Variants in VPS45 observed in about 807,000 individuals in gnomAD.
VPS45 encodes the protein vacuolar protein sorting-associated protein 45.
A neutral mutation model predicts 75.9 loss-of-function variants in VPS45; 35 were observed. That is an observed-to-expected ratio of 0.46 (90% CI 0.35 to 0.61). The LOEUF (loss-of-function observed/expected upper bound fraction) is 0.61, where lower values mean the gene tolerates loss of function less well. VPS45 is among the 20% of genes least tolerant of loss of function. The pLI, the probability that VPS45 is intolerant of heterozygous loss-of-function variation, is 0.00. For missense variants in VPS45, 559 were observed against 685.9 expected, an observed-to-expected ratio of 0.81 and a Z score of 2.07; for synonymous variants, 220 against 238.2, an observed-to-expected ratio of 0.92 and a Z score of 0.70.
rs1455836986 is a variant in VPS45 at position 150,082,836 on chromosome 1, G to A, written c.1057G>A (p.Val353Ile). 2.0e-5 allele frequency: 32 copies of A among 1,614,026 alleles called. No homozygotes were observed. The highest frequency in any genetic ancestry group is 1.7e-4 in the Admixed American group (10 of 59,998). Residue 353 changes from valine to isoleucine, a missense_variant, in exon 10 of 15, where the codon GTT becomes ATT. By Grantham distance (29) the Val-to-Ile change is conservative (BLOSUM62 3). Coordinates refer to ENST00000644510, the MANE Select transcript of VPS45 (RefSeq NM_007259.5). ...SERNLLEVSE[V>I]EQELACQNDH... ...ACGGAATCTGCTGGAGGTTTCAGAGGTTGAGCAAGAACTGGCCTGTCAAAA... is the reference window on the plus strand; with the variant it reads ...ACGGAATCTGCTGGAGGTTTCAGAGATTGAGCAAGAACTGGCCTGTCAAAA...
chr1:150,101,736 A>G (rs1202203178), intron 13 of VPS45, among the ~76,000 whole-genome samples: 3 of 142,980 alleles, frequency 2.1e-5, no homozygotes, highest in Non-Finnish European at 3.0e-5. Flanking sequence ...CTCCACCTTG[A>G]AAAAAAAAAA....
chr1:150,138,391 A>T (rs1553814444), intron 14 of VPS45, among the ~76,000 whole-genome samples: 1 of 151,802 alleles, frequency 6.6e-6, no homozygotes, highest in Non-Finnish European at 1.5e-5. Context: ...TCTCTGTCTC[A>T]TTTGCTGTTT....
At chr1:150,096,728 A>G (rs1171089532) in intron 13 of VPS45, among the ~76,000 whole-genome samples, 2 of 152,204 alleles carry the variant, frequency 1.3e-5, no homozygotes, top group Non-Finnish European at 2.9e-5. Flanking sequence ...AGGCAAAGAA[A>G]TGGTTACAAA....
At chr1:150,104,429 G>A (rs1401141241) in intron 13 of VPS45, among the ~76,000 whole-genome samples, 1 of 152,164 alleles carries the variant, frequency 6.6e-6, no homozygotes, top group African/African-American at 2.4e-5. Flanking sequence ...GGATACTTAA[G>A]TTGGTTCCAT....
At chr1:150,112,934 A>G (rs1657726072) in intron 14 of VPS45, among the ~76,000 whole-genome samples, 1 of 152,156 alleles carries the variant, frequency 6.6e-6, no homozygotes, top group Non-Finnish European at 1.5e-5. Context: ...TGGGGTGTGG[A>G]GTCTCCATGC....
chr1:150,100,241 CA>C (rs1231739167), intron 13 of VPS45, among the ~76,000 whole-genome samples: 1 of 151,850 alleles, frequency 6.6e-6, no homozygotes, highest in Non-Finnish European at 1.5e-5. Flanking sequence ...CAACTGCCAC[CA>C]AAAAAATAAA....
At chr1:150,088,024 G>A (rs1308357573) in intron 10 of VPS45, among the ~76,000 whole-genome samples, 1 of 151,968 alleles carries the variant, frequency 6.6e-6, no homozygotes, top group East Asian at 1.9e-4. Flanking sequence ...ATCAAATCAG[G>A]GTAATTAGCA....
In VPS45 at chr1:150,081,925, G is replaced by C. The variant is rs1553799475; in HGVS notation, c.864G>C (p.Lys288Asn). ...LNFAEIGSNI[K>N]NLMEDFQKKK... ...TTGCTGAGATTGGTAGCAATATAAA[G>C]AATCTCATGGAAGATTTTCAGAAGA... is the stretch of plus-strand genomic sequence containing the variant. The change falls in exon 9 of 15, where the codon AAG (lysine) becomes AAC (asparagine). Residue 288 changes from lysine to asparagine, a missense_variant. Lys to Asn is a moderately conservative substitution (Grantham distance 94). Transcript: ENST00000644510. 6.2e-7 allele frequency: 1 copy of C among 1,613,356 alleles called. No individual in the cohort carries two copies. Among genetic ancestry groups the C allele is most frequent in the Non-Finnish European group, 8.5e-7 (1 of 1,179,648 alleles).
At chr1:150,074,987 A>C (rs1468692029) in intron 3 of VPS45, among the ~76,000 whole-genome samples, 1 of 110,404 alleles carries the variant, frequency 9.1e-6, no homozygotes, top group Admixed American at 1.2e-4. Context: ...TTTGAGACAC[A>C]GTCTCCCTCT....
intron 3 of VPS45, 127 bp downstream of exon 3, chr1:150,072,353 C>G: frequency 3.0e-6 from 2 of 668,230 alleles, no homozygotes; most frequent in Non-Finnish European, 4.7e-6. Flanking sequence ...ATTTAATGTC[C>G]TTCCAAAGTA....
chr1:150,120,193 C>CTTAA (rs146241708), intron 14 of VPS45, among the ~76,000 whole-genome samples: 40 of 152,206 alleles, frequency 2.6e-4, no homozygotes, highest in African/African-American at 8.4e-4. Flanking sequence ...TTTTTTATTA[C>CTTAA]TTAATCACTT....
Position 150,068,696 on chromosome 1 carries a change from C to T in VPS45, c.160C>T (p.Arg54Cys), listed in dbSNP as rs1343272129. The T allele has an allele frequency of 1.2e-6, 2 of 1,613,118 alleles. No individual in the cohort carries two copies. The highest frequency in any genetic ancestry group is 1.7e-6 in the Non-Finnish European group (2 of 1,179,586). ...ACAGAAGGAAGTGTACCTCTTTGAA[C>T]GCATTGATTCTCAAAATCGAGAGAT... ...ILQKEVYLFERIDSQNREIMK... is the reference protein window; with the variant it reads ...ILQKEVYLFECIDSQNREIMK... Residue 54 changes from arginine (R) to cysteine (C), a missense_variant, in exon 2 of 15, where the codon CGC becomes TGC. Arg to Cys is a radical substitution (Grantham distance 180). Transcript: ENST00000644510.
At chr1:150,106,243 A>G (rs979746824) in intron 13 of VPS45, among the ~76,000 whole-genome samples, 1 of 152,190 alleles carries the variant, frequency 6.6e-6, no homozygotes, top group Non-Finnish European at 1.5e-5. Context: ...CAACAAAAAC[A>G]AAAGTAGACA....
intron 14 of VPS45, among the ~76,000 whole-genome samples, chr1:150,115,748 T>C (rs1245005786): frequency 4.6e-5 from 7 of 152,216 alleles, no homozygotes; most frequent in African/African-American, 1.7e-4. Flanking sequence ...CATATCTCCT[T>C]GTGCAGATAG....
At chr1:150,086,900 A>G (rs974467564) in intron 10 of VPS45, among the ~76,000 whole-genome samples, 1 of 151,636 alleles carries the variant, frequency 6.6e-6, no homozygotes, top group East Asian at 1.9e-4. Flanking sequence ...TTATTTTGTT[A>G]TTCTCTGACT....
intron 14 of VPS45, among the ~76,000 whole-genome samples, chr1:150,131,832 C>A (rs1658856139): frequency 6.6e-6 from 1 of 152,072 alleles, no homozygotes; most frequent in Admixed American, 6.6e-5. Context: ...TGTGACAGAG[C>A]AAGACTATGT....
At chr1:150,128,297 T>C (rs1658622051) in intron 14 of VPS45, among the ~76,000 whole-genome samples, 1 of 34,786 alleles carries the variant, frequency 2.9e-5, no homozygotes, top group African/African-American at 1.7e-4. Flanking sequence ...ATGGGACCCT[T>C]GTCTTAAAAA....
chr1:150,141,812 A>G lies in VPS45; in HGVS notation c.1626-2897A>G, dbSNP rs190526321. ...TCATAACTAAGGTGTACATTTGTAC[A>G]CCTAGTTCAACACCTAGTTCATAAT... On this transcript the variant is annotated intron_variant, in intron 14 of 14. Transcript: ENST00000644510. Among the ~76,000 whole-genome samples, 448 of 152,114 alleles carry G rather than the reference A, an allele frequency of 2.9e-3. 2 individuals carry two copies. Among genetic ancestry groups the G allele is most frequent in the South Asian group, 0.01 (50 of 4,820 alleles).
At chr1:150,085,611 G>A (rs1437299534) in intron 10 of VPS45, among the ~76,000 whole-genome samples, 1 of 151,928 alleles carries the variant, frequency 6.6e-6, no homozygotes, top group Admixed American at 6.6e-5. Context: ...GGATGTCAGG[G>A]GCCTGACTTC....
Sources: gnomAD v4.1 joint callset for allele counts (sites outside exome capture counted in the v4.1 genomes callset) on GRCh38, gnomAD v4.1.1 for gene constraint, MANE v1.5 for transcripts, NCBI Gene and HGNC (gene_info 2026-07-23, HGNC 2026-07-21) for gene names.